Variants in ITGAE observed in about 807,000 individuals in gnomAD.
ITGAE encodes the protein integrin subunit alpha E.
In ITGAE, 99 loss-of-function variants were observed where a neutral mutation model predicts 136.5. That is an observed-to-expected ratio of 0.73 (90% CI 0.62 to 0.86). The LOEUF (loss-of-function observed/expected upper bound fraction) is 0.86. Ranked by LOEUF, ITGAE falls within the 40% of genes least tolerant of loss-of-function variation. The pLI is 0.00. For synonymous variants in ITGAE, 613 were observed against 591.8 expected, an observed-to-expected ratio of 1.04 and a Z score of -0.52; for missense variants, 1,447 against 1,515.3, an observed-to-expected ratio of 0.95 and a Z score of 0.75.
chr17:3,797,650 G>A lies in ITGAE; in HGVS notation c.34+3461C>T, dbSNP rs138036059. On this transcript the variant is annotated intron_variant, in intron 1 of 30. Transcript: ENST00000263087. ...TCATTTTTGTATTTTTAGTAGAGAC[G>A]GGGTTTCACCGTGTTGGCCAGGATG... Among the ~76,000 whole-genome samples the A allele has an allele frequency of 5.2e-3, 781 of 151,602 alleles. 5 individuals are homozygous for A. The highest frequency in any genetic ancestry group is 0.018 in the African/African-American group (739 of 41,252).
intron 1 of ITGAE, among the ~76,000 whole-genome samples, chr17:3,786,814 C>T (rs557918089): frequency 1.4e-5 from 2 of 144,802 alleles, no homozygotes; most frequent in Admixed American, 7.2e-5. Context: ...CACTTGAACC[C>T]GGGAGGCGGA....
intron 26 of ITGAE, chr17:3,724,741 C>T (rs776142244): frequency 1.2e-6 from 2 of 1,614,188 alleles, no homozygotes; most frequent in African/African-American, 1.3e-5. Flanking sequence ...ATGAGAGAGT[C>T]CTGCTGTAAA....
chr17:3,772,251 G>C (rs2052442410), intron 2 of ITGAE, among the ~76,000 whole-genome samples: 2 of 152,088 alleles, frequency 1.3e-5, no homozygotes, highest in South Asian at 4.1e-4. Context: ...CAACAGAGCT[G>C]TTATTCGGTG....
intron 2 of ITGAE, among the ~76,000 whole-genome samples, chr17:3,765,069 G>A (rs1477793181): frequency 6.6e-6 from 1 of 152,178 alleles, no homozygotes; most frequent in African/African-American, 2.4e-5. Context: ...TCATGATGAG[G>A]CCGGGCGCGG....
Position 3,761,523 on chromosome 17 carries a change from G to C in ITGAE, c.316-3C>G. The stretch of plus-strand genomic sequence containing the variant: ...CGGACCAGCACTTGAATGCATATCT[G>C]TGGGAGGGAAGAGAGGGTGGGGAAA... On this transcript the variant is annotated splice_polypyrimidine_tract_variant and splice_region_variant and intron_variant, in intron 4 of 30. Coordinates refer to ENST00000263087, the MANE Select transcript of ITGAE (RefSeq NM_002208.5). The C allele has an allele frequency of 6.2e-7, 1 of 1,609,902 alleles. No individual in the cohort carries two copies. Among genetic ancestry groups the C allele is most frequent in the East Asian group, 2.2e-5 (1 of 44,864 alleles).
At chr17:3,757,275 T>C (rs964705759) in intron 9 of ITGAE, 141 bp from the exon 10 acceptor site, 27 of 1,100,986 alleles carry the variant, frequency 2.5e-5, no homozygotes, top group Non-Finnish European at 3.1e-5. Flanking sequence ...CCCTGCTCCC[T>C]GTTCTACCCA....
intron 26 of ITGAE, chr17:3,724,615 G>T: frequency 1.2e-6 from 2 of 1,614,176 alleles, no homozygotes; most frequent in South Asian, 2.2e-5. Flanking sequence ...GCGACAGGAG[G>T]AGCCAAGGAC....
Position 3,750,480 on chromosome 17 carries a change from C to A in ITGAE, c.1896G>T (p.Arg632=), listed in dbSNP as rs1310304947. The A allele has an allele frequency of 6.2e-7, 1 of 1,614,092 alleles. No homozygotes were observed. The highest frequency in any genetic ancestry group is 8.5e-7 in the Non-Finnish European group (1 of 1,180,002). Residue 632 remains arginine (R), a splice_region_variant and synonymous_variant, in exon 16 of 31, where the codon CGG becomes CGT. Transcript: ENST00000263087. ...WDGLSASPSQ[R]IRASTVAPGL... is the part of the protein sequence containing the mutation. ...CTGGGGCCACCGTGGAGGCTCTGAT[C>A]CGCTGTGGAGGCAGAAACACAAGGC...
intron 1 of ITGAE, among the ~76,000 whole-genome samples, chr17:3,797,187 A>T (rs1234062066): frequency 1.7e-5 from 2 of 117,832 alleles, no homozygotes; most frequent in Admixed American, 9.8e-5. Flanking sequence ...TTTTTTTGAG[A>T]CGGAGTCTCG....
intron 1 of ITGAE, among the ~76,000 whole-genome samples, chr17:3,783,364 C>G (rs1190612769): frequency 6.6e-6 from 1 of 152,114 alleles, no homozygotes; most frequent in East Asian, 1.9e-4. Flanking sequence ...TGGTCTCATA[C>G]TCGTCCTGAC....
intron 26 of ITGAE, chr17:3,725,537 A>G (rs2051190291): frequency 6.2e-7 from 1 of 1,614,266 alleles, no homozygotes. Flanking sequence ...AAATCCTGCC[A>G]GAGATCATCA....
intron 21 of ITGAE, 24 bp downstream of exon 21, chr17:3,734,793 T>C: frequency 6.2e-7 from 1 of 1,613,528 alleles, no homozygotes; most frequent in Non-Finnish European, 8.5e-7. Flanking sequence ...AGGGACCTGT[T>C]TCCACAGCCA....
intron 21 of ITGAE, among the ~76,000 whole-genome samples, 185 bp from the exon 22 acceptor site, chr17:3,732,651 CAGT>C (rs780381024): frequency 3.5e-4 from 54 of 152,200 alleles, no homozygotes; most frequent in Non-Finnish European, 3.1e-4. Context: ...GCAGGGTCAG[CAGT>C]AGATCCCCGA....
At chr17:3,719,234 T>TAAAAAAAAAAAAAAAAAA (rs2050999265) in intron 29 of ITGAE, among the ~76,000 whole-genome samples, 3 of 34,804 alleles carry the variant, frequency 8.6e-5, no homozygotes, top group African/African-American at 3.6e-4. Flanking sequence ...AGATTCTTCC[T>TAAAAAAAAAAAAAAAAAA]CAAAAAAAAA....
chr17:3,721,262 T>TTC (rs2051045483), intron 28 of ITGAE, among the ~76,000 whole-genome samples: 1 of 36,262 alleles, frequency 2.8e-5, no homozygotes, highest in Non-Finnish European at 4.4e-5. Context: ...GATTTTTCCT[T>TTC]TTTTTTTTTT....
chr17:3,756,681 G>A (rs2052034698), intron 10 of ITGAE, among the ~76,000 whole-genome samples: 2 of 152,112 alleles, frequency 1.3e-5, no homozygotes, highest in Admixed American at 6.5e-5. Flanking sequence ...TTGGGATTAT[G>A]GGCGTGAGCC....
chr17:3,800,327 C>T (rs2053221450), intron 1 of ITGAE, among the ~76,000 whole-genome samples: 1 of 152,042 alleles, frequency 6.6e-6, no homozygotes, highest in Non-Finnish European at 1.5e-5. Context: ...AAGCTTGATG[C>T]CCATCCAATT....
chr17:3,789,946 T>C (rs2052898441), intron 1 of ITGAE, among the ~76,000 whole-genome samples: 1 of 149,282 alleles, frequency 6.7e-6, no homozygotes, highest in Admixed American at 6.7e-5. Flanking sequence ...CAATAATTAA[T>C]TCAGGCCAGG....
chr17:3,796,117 A>T (rs2053087559), intron 1 of ITGAE, among the ~76,000 whole-genome samples: 1 of 11,204 alleles, frequency 8.9e-5, no homozygotes. Flanking sequence ...CCCTGTGTGC[A>T]TCCCTGTGTG....
Sources: gnomAD v4.1 joint callset for allele counts (sites outside exome capture counted in the v4.1 genomes callset) on GRCh38, gnomAD v4.1.1 for gene constraint, MANE v1.5 for transcripts, NCBI Gene and HGNC (gene_info 2026-07-23, HGNC 2026-07-21) for gene names.